TNRC18: variants seen among roughly 807,000 people sequenced by gnomAD.
TNRC18 encodes the protein trinucleotide repeat-containing gene 18 protein.
In TNRC18, 69 loss-of-function variants were observed where a neutral mutation model predicts 226.7. That is an observed-to-expected ratio of 0.30 (90% CI 0.25 to 0.37). TNRC18 has a LOEUF of 0.37. Among genes scored for constraint, TNRC18 ranks in the 10% least tolerant of loss-of-function variants. The probability of loss-of-function intolerance (pLI) is 1.00; values close to 1 mark genes in which losing one functional copy is unlikely to be tolerated. For synonymous variants in TNRC18, 2,449 were observed against 1,927.6 expected, an observed-to-expected ratio of 1.27 and a Z score of -7.09; for missense variants, 4,754 against 4,256.6, an observed-to-expected ratio of 1.12 and a Z score of -3.25.
chr7:5,343,978 A>G (rs1007240287), intron 18 of TNRC18, among the ~76,000 whole-genome samples: 9 of 152,220 alleles, frequency 5.9e-5, no homozygotes, highest in African/African-American at 1.9e-4. Context: ...CAATGAAACT[A>G]ATCACGTCTA....
chr7:5,321,009 G>A, intron 22 of TNRC18, 64 bp downstream of exon 22: 4 of 1,200,130 alleles, frequency 3.3e-6, no homozygotes, highest in African/African-American at 1.5e-5. Flanking sequence ...AGGCACAGAG[G>A]CGGCCGGGAC....
chr7:5,408,977 A>C (rs918856546), intron 2 of TNRC18, among the ~76,000 whole-genome samples: 11 of 152,182 alleles, frequency 7.2e-5, no homozygotes, highest in African/African-American at 2.7e-4. Context: ...CAACCTTAAC[A>C]TGCACACTCA....
intron 5 of TNRC18, among the ~76,000 whole-genome samples, chr7:5,384,776 C>A (rs947710795): frequency 6.6e-6 from 1 of 152,274 alleles, no homozygotes; most frequent in Admixed American, 6.5e-5. Flanking sequence ...GCCCCTCCCT[C>A]CTTCTGTCCC....
chr7:5,415,199 T>C (rs1186938587), intron 2 of TNRC18, among the ~76,000 whole-genome samples: 5 of 151,702 alleles, frequency 3.3e-5, no homozygotes, highest in Non-Finnish European at 7.4e-5. Context: ...CGCCAGGCTC[T>C]GACTTTTGTG....
intron 14 of TNRC18, 36 bp from the exon 15 acceptor site, chr7:5,359,605 C>G: frequency 1.2e-6 from 2 of 1,611,368 alleles, no homozygotes; most frequent in Non-Finnish European, 1.7e-6. Context: ...AGCACCCTGG[C>G]CAGACAAGGC....
chr7:5,315,733 T>C (rs1180694517), intron 25 of TNRC18, among the ~76,000 whole-genome samples: 1 of 152,250 alleles, frequency 6.6e-6, no homozygotes, highest in African/African-American at 2.4e-5. Flanking sequence ...TTAACAATTT[T>C]TGATCAGCTT....
rs1554271906 is a variant in TNRC18 at position 5,322,288 on chromosome 7, T to TCATCAC, written c.6443-1099_6443-1098insGTGATG. Among the ~76,000 whole-genome samples the TCATCAC allele has an allele frequency of 3.3e-5, 5 of 151,194 alleles. 1 individual carries two copies. The highest frequency in any genetic ancestry group is 9.7e-5 in the African/African-American group (4 of 41,200). On this transcript the variant is annotated intron_variant, in intron 21 of 29. Transcript: ENST00000430969. ...GAGTCAGATTCCGTCTCAATAATCA[T>TCATCAC]CATCATCATCATCATCATCATGATG...
intron 2 of TNRC18, among the ~76,000 whole-genome samples, chr7:5,400,990 T>G (rs1279322456): frequency 6.6e-6 from 1 of 151,978 alleles, no homozygotes; most frequent in Non-Finnish European, 1.5e-5. Context: ...TGCAGTGAGC[T>G]GAGATTTCGT....
intron 5 of TNRC18, among the ~76,000 whole-genome samples, chr7:5,387,023 G>A (rs1039421343): frequency 6.6e-6 from 1 of 152,092 alleles, no homozygotes; most frequent in Admixed American, 6.6e-5. Context: ...GCGGTGAGCT[G>A]AGATCGTGCC....
At chr7:5,342,097 G>A (rs185163125) in intron 18 of TNRC18, among the ~76,000 whole-genome samples, 28 of 152,278 alleles carry the variant, frequency 1.8e-4, no homozygotes, top group Admixed American at 1.8e-3. Context: ...TCCTCTGATG[G>A]ATCTGGGCAA....
intron 16 of TNRC18, among the ~76,000 whole-genome samples, chr7:5,356,582 C>A (rs554217556): frequency 6.6e-6 from 1 of 152,360 alleles, no homozygotes; most frequent in East Asian, 1.9e-4. Context: ...ACGCACAAGG[C>A]TTCCTCGCCT....
intron 3 of TNRC18, among the ~76,000 whole-genome samples, chr7:5,393,731 C>A (rs903782736): frequency 6.6e-6 from 1 of 152,158 alleles, no homozygotes; most frequent in African/African-American, 2.4e-5. Flanking sequence ...CCTTTGCAGG[C>A]AGAAAATCAA....
rs1325330397 is a variant in TNRC18, at chr7:5,345,763, CCTCCTCCTCGAG to C, written c.5506_5517del (p.Leu1836_Glu1839del). On this transcript the variant is annotated inframe_deletion, in exon 18 of 30. Transcript: ENST00000430969. ...CTGTAGCCACCACCGCTGGCCTCGT[CCTCCTCCTCGAG>C]CTCCTCCTCCTCGTCCTCCTCCTCC... 4.5e-6 allele frequency: 7 copies of C among 1,547,328 alleles called. No individual in the cohort carries two copies. In the East Asian group the frequency reaches 1.5e-4, roughly 32 times the overall value.
At chr7:5,401,649 G>A (rs1000028499) in intron 2 of TNRC18, among the ~76,000 whole-genome samples, 4 of 152,202 alleles carry the variant, frequency 2.6e-5, no homozygotes, top group Non-Finnish European at 5.9e-5. Flanking sequence ...ACGATTGGGC[G>A]TTGCTCTGTA....
chr7:5,374,095 C>G lies in TNRC18; in HGVS notation c.3189G>C (p.Leu1063Phe). Residue 1063 changes from leucine (L) to phenylalanine (F), a missense_variant, in exon 10 of 30, where the codon TTG (leucine) becomes TTC (phenylalanine). Leu to Phe is a conservative substitution (Grantham distance 22). Coordinates refer to ENST00000430969, the MANE Select transcript of TNRC18 (RefSeq NM_001080495.3). ...GGAAGGGGCTGGGGGCTTCCTTCTCCAACTCCAAGTCTTTCTTCTCGACCA... is the reference window on the plus strand; with the variant it reads ...GGAAGGGGCTGGGGGCTTCCTTCTCGAACTCCAAGTCTTTCTTCTCGACCA... Reference protein sequence around the residue: ...ENVVEKKDLELEKEAPSPFQA... With the variant: ...ENVVEKKDLEFEKEAPSPFQA... 6.3e-7 allele frequency: 1 copy of G among 1,580,204 alleles called. No individual in the cohort carries two copies. The highest frequency in any genetic ancestry group is 1.1e-5 in the South Asian group (1 of 87,800).
At chr7:5,398,907 A>G (rs1780890175) in intron 2 of TNRC18, among the ~76,000 whole-genome samples, 1 of 152,198 alleles carries the variant, frequency 6.6e-6, no homozygotes, top group Non-Finnish European at 1.5e-5. Flanking sequence ...TACAGGCATG[A>G]GCCACCCTGT....
intron 16 of TNRC18, among the ~76,000 whole-genome samples, chr7:5,354,031 C>A (rs1792103514): frequency 1.3e-5 from 2 of 151,934 alleles, no homozygotes; most frequent in South Asian, 4.2e-4. Flanking sequence ...GGTGAAACCC[C>A]GTCTCTACTA....
At chr7:5,310,933 C>CGT (rs201187881) in intron 27 of TNRC18, among the ~76,000 whole-genome samples, 11,356 of 152,088 alleles carry the variant, frequency 0.075, 1,017 homozygotes, top group African/African-American at 0.22. Flanking sequence ...TGCACGTGTT[C>CGT]GTGTGTGCAC....
chr7:5,404,277 C>T (rs960670998), intron 2 of TNRC18, among the ~76,000 whole-genome samples: 45 of 151,858 alleles, frequency 3.0e-4, no homozygotes, highest in African/African-American at 9.9e-4. Flanking sequence ...AGGCTGAGGC[C>T]GGAGAACTGC....
Sources: gnomAD v4.1 joint callset for allele counts (sites outside exome capture counted in the v4.1 genomes callset) on GRCh38, gnomAD v4.1.1 for gene constraint, MANE v1.5 for transcripts, NCBI Gene and HGNC (gene_info 2026-07-23, HGNC 2026-07-21) for gene names.